ANTXR2: variants seen among roughly 807,000 people sequenced by gnomAD.
ANTXR2 encodes the protein ANTXR cell adhesion molecule 2.
A neutral mutation model predicts 73.7 loss-of-function variants in ANTXR2; 44 were observed. The ratio of observed to expected loss-of-function variants is 0.60; its 90% CI spans 0.47 to 0.77. The LOEUF (loss-of-function observed/expected upper bound fraction) is 0.77. ANTXR2 is among the 30% of genes least tolerant of loss of function. ANTXR2 has a pLI of 0.00. For missense variants in ANTXR2, 604 were observed against 592.5 expected, an observed-to-expected ratio of 1.02 and a Z score of -0.20; for synonymous variants, 217 against 205.9, an observed-to-expected ratio of 1.05 and a Z score of -0.46.
chr4:80,064,478 A>G (rs2110118537), intron 3 of ANTXR2, among the ~76,000 whole-genome samples: 1 of 152,200 alleles, frequency 6.6e-6, no homozygotes, highest in East Asian at 1.9e-4. Flanking sequence ...GTTGGGATAC[A>G]TGGGGGAGCA....
chr4:79,961,390 G>A (rs1245418792), intron 16 of ANTXR2, among the ~76,000 whole-genome samples: 1 of 151,642 alleles, frequency 6.6e-6, no homozygotes, highest in South Asian at 2.1e-4. Context: ...AAAATAATGT[G>A]TTTAGTCCTG....
chr4:79,954,222 A>G (rs4582103), intron 16 of ANTXR2, among the ~76,000 whole-genome samples: 29,970 of 152,004 alleles, frequency 0.2, 4,938 homozygotes, highest in African/African-American at 0.45. Context: ...GCTGAAGTGC[A>G]GGGTCACTGC....
At position 80,062,530 on chromosome 4, in the gene ANTXR2, C is replaced by G. The variant is rs568469692; in HGVS notation, c.297-6517G>C. Among the ~76,000 whole-genome samples the G allele has an allele frequency of 3.9e-5, 6 of 152,332 alleles. No individual in the cohort carries two copies. The South Asian group carries it at 1.2e-3, about 32-fold the overall frequency. ...ATGTCCATCACTAAAATCTGAGTTG[C>G]TGCCCTGCCTGGACCCCTCAGGTTT... is the stretch of plus-strand genomic sequence containing the variant. On this transcript the variant is annotated intron_variant, in intron 3 of 16. Coordinates refer to ENST00000403729, the MANE Select transcript of ANTXR2 (RefSeq NM_058172.6).
chr4:79,931,645 C>T (rs924380929), intron 16 of ANTXR2, among the ~76,000 whole-genome samples: 1 of 152,140 alleles, frequency 6.6e-6, no homozygotes, highest in Non-Finnish European at 1.5e-5. Context: ...TTCCAGATAA[C>T]GCAGTGCACT....
At chr4:80,067,207 CA>C (rs75413405) in intron 3 of ANTXR2, among the ~76,000 whole-genome samples, 50,103 of 131,934 alleles carry the variant, frequency 0.38, 8,736 homozygotes, top group Middle Eastern at 0.57. Flanking sequence ...CTCTGTCTCA[CA>C]AAAAAAAAAA....
chr4:80,063,110 T>TA (rs1188845558), intron 3 of ANTXR2, among the ~76,000 whole-genome samples: 1 of 152,218 alleles, frequency 6.6e-6, no homozygotes, highest in Non-Finnish European at 1.5e-5. Context: ...AAATACCCAT[T>TA]GTGTTCTCTT....
At chr4:80,058,615 A>G (rs543845376) in intron 3 of ANTXR2, among the ~76,000 whole-genome samples, 1 of 152,110 alleles carries the variant, frequency 6.6e-6, no homozygotes, top group East Asian at 1.9e-4. Context: ...TAAACAGTTA[A>G]CGGTGAAAAA....
intron 11 of ANTXR2, among the ~76,000 whole-genome samples, chr4:80,012,950 G>T (rs1731667403): frequency 6.6e-6 from 1 of 152,190 alleles, no homozygotes. Context: ...CTCTTGGATT[G>T]TGAGTGCTAA....
At chr4:80,060,659 TTTG>T (rs1446656943) in intron 3 of ANTXR2, among the ~76,000 whole-genome samples, 1 of 152,186 alleles carries the variant, frequency 6.6e-6, no homozygotes, top group Non-Finnish European at 1.5e-5. Flanking sequence ...AATGTCCTAT[TTTG>T]TTATTAGTTA....
chr4:80,040,889 T>A (rs926683540), intron 7 of ANTXR2, among the ~76,000 whole-genome samples: 4 of 152,042 alleles, frequency 2.6e-5, no homozygotes, highest in African/African-American at 9.7e-5. Context: ...AAAAAAATTA[T>A]ATACCTTATT....
intron 12 of ANTXR2, among the ~76,000 whole-genome samples, chr4:79,991,830 T>C (rs972794011): frequency 6.6e-6 from 1 of 152,088 alleles, no homozygotes; most frequent in Non-Finnish European, 1.5e-5. Flanking sequence ...GAGGCCATTA[T>C]CCTCAGAGAA....
chr4:79,987,474 G>A (rs1367661757), intron 12 of ANTXR2, among the ~76,000 whole-genome samples: 3 of 152,032 alleles, frequency 2.0e-5, no homozygotes, highest in African/African-American at 4.8e-5. Context: ...AGGAAATATG[G>A]GATTATGTAA....
rs766788018 is a variant in ANTXR2 at position 80,055,341 on chromosome 4, G to T, written c.486+19C>A. The T allele has an allele frequency of 3.8e-5, 61 of 1,596,382 alleles. No homozygotes were observed. Among genetic ancestry groups the T allele is most frequent in the Admixed American group, 2.2e-4 (13 of 59,378 alleles). On this transcript the variant is annotated intron_variant, in intron 5 of 16. Coordinates refer to ENST00000403729, the MANE Select transcript of ANTXR2 (RefSeq NM_058172.6). ...GATGTACAGTGGGGTGTAGAGAACA[G>T]TCTCAGTTCAATACTCACCTCTTTC...
Position 79,906,010 on chromosome 4 carries a change from T to A in ANTXR2, c.*1419A>T, listed in dbSNP as rs1276076027. 1 of 152,610 alleles carries A rather than the reference T, an allele frequency of 6.6e-6. No individual in the cohort carries two copies. Among genetic ancestry groups the A allele is most frequent in the African/African-American group, 2.4e-5 (1 of 41,448 alleles). The allele number at this position is 152,610 out of a possible 1,614,324, so 9.5% of individuals were successfully genotyped here. On this transcript the variant is annotated 3_prime_UTR_variant, in exon 17 of 17. Coordinates refer to ENST00000403729, the MANE Select transcript of ANTXR2 (RefSeq NM_058172.6). ...AGTTCACATCAAAGCAGGCGCACTT[T>A]GTCAGGTTTCCACTCGAATATCCAT...
In ANTXR2 at chr4:80,072,508, C is replaced by A; in HGVS notation, c.53G>T (p.Gly18Val). 1 of 1,605,600 alleles carries A rather than the reference C, an allele frequency of 6.2e-7. No individual in the cohort carries two copies. Among genetic ancestry groups the A allele is most frequent in the Admixed American group, 1.7e-5 (1 of 59,004 alleles). The change falls in exon 1 of 17, where the codon GGG becomes GTG. Residue 18 changes from glycine to valine, a missense_variant. Gly to Val is a moderately radical substitution (Grantham distance 109, BLOSUM62 -3). Transcript: ENST00000403729. ...ACCGCTGAGCACCAACAGCCACAGCCCGGGGAACAGCCAGCTCCCGGGGCT... is the reference window on the plus strand; with the variant it reads ...ACCGCTGAGCACCAACAGCCACAGCACGGGGAACAGCCAGCTCCCGGGGCT... ...ARSPGSWLFP[G>V]LWLLVLSGPG...
At chr4:80,004,286 T>C (rs1019736204) in intron 12 of ANTXR2, among the ~76,000 whole-genome samples, 1 of 152,090 alleles carries the variant, frequency 6.6e-6, no homozygotes, top group Non-Finnish European at 1.5e-5. Flanking sequence ...AATGAGTTTG[T>C]CTGAAAACAT....
At chr4:79,915,792 TTC>T (rs1367982853) in intron 16 of ANTXR2, among the ~76,000 whole-genome samples, 3 of 131,122 alleles carry the variant, frequency 2.3e-5, no homozygotes, top group Non-Finnish European at 5.1e-5. Flanking sequence ...TATCACATCT[TTC>T]TCTCTCTGTC....
chr4:80,006,491 G>A (rs538212149), intron 12 of ANTXR2, among the ~76,000 whole-genome samples: 11 of 152,122 alleles, frequency 7.2e-5, no homozygotes, highest in African/African-American at 2.4e-4. Flanking sequence ...ATATTTCTAA[G>A]GGTAAAATAA....
At chr4:79,965,320 C>A (rs1729321749) in intron 16 of ANTXR2, among the ~76,000 whole-genome samples, 1 of 152,160 alleles carries the variant, frequency 6.6e-6, no homozygotes, top group South Asian at 2.1e-4. Context: ...TATTTAGAAC[C>A]ATTAGCCACA....
Sources: gnomAD v4.1 joint callset for allele counts (sites outside exome capture counted in the v4.1 genomes callset) on GRCh38, gnomAD v4.1.1 for gene constraint, MANE v1.5 for transcripts, NCBI Gene and HGNC (gene_info 2026-07-23, HGNC 2026-07-21) for gene names.